Variants in TTC7B observed in about 807,000 individuals in gnomAD.
The protein encoded by TTC7B is tetratricopeptide repeat protein 7B.
Under a neutral mutation model 106.8 loss-of-function variants are expected in TTC7B, and 28 were observed. The observed-to-expected ratio is 0.26, with a 90% confidence interval of 0.19 to 0.36. The LOEUF is 0.36. Among genes scored for constraint, TTC7B ranks in the 10% least tolerant of loss-of-function variants. The pLI, the probability that TTC7B is intolerant of heterozygous loss-of-function variation, is 1.00. For synonymous variants in TTC7B, 405 were observed against 430.6 expected, an observed-to-expected ratio of 0.94 and a Z score of 0.74; for missense variants, 862 against 1,076.4, an observed-to-expected ratio of 0.80 and a Z score of 2.79.
rs932208878 is a variant in TTC7B at position 90,539,499 on chromosome 14, A to G, written c.*1869T>C. 4 of 152,358 alleles carry G rather than the reference A, an allele frequency of 2.6e-5. No homozygotes were observed. Among genetic ancestry groups the G allele is most frequent in the African/African-American group, 9.7e-5 (4 of 41,450 alleles). 9.4% of individuals were successfully genotyped at this position (152,358 alleles called of 1,614,324 possible). ...AATTCCATGACTTATGACCACTCAA[A>G]GCCACAAGTGCTGCCTGGCAGGGTC... On this transcript the variant is annotated 3_prime_UTR_variant, in exon 20 of 20. Transcript: ENST00000328459.
chr14:90,613,379 C>A (rs1892948252), intron 16 of TTC7B, among the ~76,000 whole-genome samples: 1 of 151,168 alleles, frequency 6.6e-6, no homozygotes, highest in Admixed American at 6.6e-5. Context: ...GGCGACAGAG[C>A]AAGACTGTCT....
intron 15 of TTC7B, among the ~76,000 whole-genome samples, chr14:90,625,161 G>C (rs991021977): frequency 2.0e-5 from 3 of 152,224 alleles, no homozygotes; most frequent in Non-Finnish European, 4.4e-5. Flanking sequence ...ACTTGAGAAG[G>C]CTGTTTGGCA....
chr14:90,646,289 C>G (rs1286423), intron 14 of TTC7B, among the ~76,000 whole-genome samples: 132,948 of 152,190 alleles, frequency 0.87, 58,148 homozygotes, highest in Admixed American at 0.91. Flanking sequence ...TGGTGGGTGG[C>G]CAGGCATGTG....
At chr14:90,571,074 G>C (rs1891016384) in intron 19 of TTC7B, among the ~76,000 whole-genome samples, 1 of 152,122 alleles carries the variant, frequency 6.6e-6, no homozygotes, top group Non-Finnish European at 1.5e-5. Flanking sequence ...GGTGACCTGG[G>C]GCAGGTGACC....
At chr14:90,639,070 T>C (rs1595232773) in intron 15 of TTC7B, among the ~76,000 whole-genome samples, 1 of 152,116 alleles carries the variant, frequency 6.6e-6, no homozygotes, top group East Asian at 1.9e-4. Context: ...GGCCCTTAGG[T>C]TTCAGTGTGA....
chr14:90,767,063 G>C, intron 3 of TTC7B: 1 of 757,576 alleles, frequency 1.3e-6, no homozygotes, highest in Non-Finnish European at 2.1e-6. Context: ...AGGAAGAAAA[G>C]AAATTCTGGG....
intron 19 of TTC7B, among the ~76,000 whole-genome samples, chr14:90,545,084 A>G (rs1387149948): frequency 6.6e-6 from 1 of 152,208 alleles, no homozygotes; most frequent in Non-Finnish European, 1.5e-5. Context: ...GACACAGTTC[A>G]GAAAGGCCAC....
chr14:90,595,360 T>A (rs988348871), intron 17 of TTC7B, among the ~76,000 whole-genome samples: 56 of 151,866 alleles, frequency 3.7e-4, no homozygotes, highest in African/African-American at 1.4e-3. Context: ...CATAAATAAA[T>A]AAATAATTAA....
chr14:90,643,975 G>T, intron 15 of TTC7B, 73 bp downstream of exon 15: 1 of 1,562,994 alleles, frequency 6.4e-7, no homozygotes, highest in Non-Finnish European at 8.8e-7. Context: ...TAGACAGATT[G>T]GAAAGAAGGC....
rs1193245427 is a variant in TTC7B, at chr14:90,742,750, C to G, written c.576+2042G>C. Among the ~76,000 whole-genome samples the G allele has an allele frequency of 6.6e-6, 1 of 152,224 alleles. No homozygotes were observed. The highest frequency in any genetic ancestry group is 1.9e-4 in the East Asian group (1 of 5,200). ...TTAAATCCTACGACTATACAAGCCT[C>G]CTTGATGTTCCTGCTGAAGAACCCA... On this transcript the variant is annotated intron_variant, in intron 4 of 19. Coordinates refer to ENST00000328459, the MANE Select transcript of TTC7B (RefSeq NM_001010854.2). This position sits in a 1 kb window ranked among gnomAD's most constrained non-coding sequence, Gnocchi z 4.1.
At chr14:90,792,713 C>T (rs1167500927) in intron 1 of TTC7B, among the ~76,000 whole-genome samples, 1 of 152,140 alleles carries the variant, frequency 6.6e-6, no homozygotes, top group Non-Finnish European at 1.5e-5. Flanking sequence ...GACCATTCAA[C>T]ACAATACAGG....
chr14:90,576,055 AG>A (rs1208880055), intron 19 of TTC7B, among the ~76,000 whole-genome samples: 1 of 152,108 alleles, frequency 6.6e-6, no homozygotes, highest in Non-Finnish European at 1.5e-5. Context: ...GGCATGTGTC[AG>A]GCATCTCAGG....
At chr14:90,592,581 C>T (rs183063241) in intron 18 of TTC7B, among the ~76,000 whole-genome samples, 10 of 152,004 alleles carry the variant, frequency 6.6e-5, no homozygotes, top group East Asian at 1.9e-4. Flanking sequence ...TGGTGGTGGG[C>T]GCCTGTAATT....
intron 13 of TTC7B, among the ~76,000 whole-genome samples, chr14:90,650,127 G>A (rs1021191512): frequency 6.6e-6 from 1 of 152,288 alleles, no homozygotes; most frequent in East Asian, 1.9e-4. Flanking sequence ...AGAGAAGGCT[G>A]ATCAATGCTG....
chr14:90,648,598 C>T (rs1377375899), intron 13 of TTC7B: 1 of 152,190 alleles, frequency 6.6e-6, no homozygotes, highest in Non-Finnish European at 1.5e-5. Context: ...GTGATCCTCC[C>T]ACTTTGGCAT....
In TTC7B at chr14:90,574,306, G is replaced by A. The variant is rs949043532; in HGVS notation, c.2310+3800C>T. Among the ~76,000 whole-genome samples, 3 of 152,298 alleles carry A rather than the reference G, an allele frequency of 2.0e-5. No individual in the cohort carries two copies. The South Asian group carries it at 6.2e-4, about 32-fold the overall frequency. On this transcript the variant is annotated intron_variant, in intron 19 of 19. Coordinates refer to ENST00000328459, the MANE Select transcript of TTC7B (RefSeq NM_001010854.2). Reference sequence around the variant, plus strand: ...TATGCCTTTAGATTTTCTGGAAAAAGTCTGGTCAGTCTATGAATTCCTCCC... The same window carrying A: ...TATGCCTTTAGATTTTCTGGAAAAAATCTGGTCAGTCTATGAATTCCTCCC...
intron 9 of TTC7B, among the ~76,000 whole-genome samples, chr14:90,669,747 G>A (rs1886561423): frequency 1.3e-5 from 2 of 152,176 alleles, no homozygotes; most frequent in Admixed American, 1.3e-4. Context: ...ACACCTACCA[G>A]AATGTCTATA....
At chr14:90,650,504 C>A (rs11621891) in intron 13 of TTC7B, among the ~76,000 whole-genome samples, 3 of 152,050 alleles carry the variant, frequency 2.0e-5, no homozygotes, top group Non-Finnish European at 4.4e-5. Flanking sequence ...GCTGATCACC[C>A]TATATGCACA....
intron 6 of TTC7B, among the ~76,000 whole-genome samples, chr14:90,693,259 G>A (rs1400312463): frequency 6.6e-6 from 1 of 152,092 alleles, no homozygotes; most frequent in Non-Finnish European, 1.5e-5. Context: ...GGCTATGGCT[G>A]TGTAGGGCAA....
Sources: allele counts gnomAD v4.1 joint callset (sites outside exome capture counted in the v4.1 genomes callset), GRCh38; gene constraint gnomAD v4.1.1; non-coding constraint Gnocchi (gnomAD v3.1); transcripts MANE v1.5; gene names NCBI Gene and HGNC (gene_info 2026-07-23, HGNC 2026-07-21).